Variants in HCRTR1 observed in about 807,000 individuals in gnomAD.
The protein encoded by HCRTR1 is orexin/Hypocretin receptor type 1.
Under a neutral mutation model 40.6 loss-of-function variants are expected in HCRTR1, and 28 were observed. The observed-to-expected ratio is 0.69, with a 90% CI of 0.51 to 0.95. The LOEUF (loss-of-function observed/expected upper bound fraction) is 0.95. Ranked by LOEUF, HCRTR1 falls within the 40% of genes least tolerant of loss-of-function variation. HCRTR1 has a pLI of 0.00. For missense variants in HCRTR1, 482 were observed against 564.7 expected (o/e 0.85, Z 1.48); for synonymous variants, 209 against 230.0 (o/e 0.91, Z 0.83).
Position 31,619,609 on chromosome 1 carries a change from G to T in HCRTR1, c.277G>T (p.Val93Phe). The T allele has an allele frequency of 6.2e-7, 1 of 1,614,062 alleles. No homozygotes were observed. Among genetic ancestry groups the T allele is most frequent in the East Asian group, 2.2e-5 (1 of 44,876 alleles). ...CATTGTCAACCTGTCCCTGGCTGAC[G>T]TTCTGGTGACTGCTATCTGCCTGCC... is the stretch of plus-strand genomic sequence containing the variant. Reference protein sequence around the residue: ...YFIVNLSLADVLVTAICLPAS... With the variant: ...YFIVNLSLADFLVTAICLPAS... The change falls in exon 4 of 9, where the codon GTT (valine) becomes TTT (phenylalanine). Residue 93 changes from valine to phenylalanine, a missense_variant. Val to Phe is a conservative substitution (Grantham distance 50). Transcript: ENST00000403528.
chr1:31,627,457 G>T lies in HCRTR1; in HGVS notation c.*477G>T. The T allele has an allele frequency of 1.1e-6, 1 of 924,406 alleles. No homozygotes were observed. Among genetic ancestry groups the T allele is most frequent in the Non-Finnish European group, 1.5e-6 (1 of 655,370 alleles). 57.3% of individuals were successfully genotyped at this position (924,406 alleles called of 1,614,324 possible). A position where few individuals can be genotyped will look rare whatever the true frequency, so the allele number is the denominator to read the frequency against. ...CTAATCTGGGCCCAGCCTTTCTCCA[G>T]CGGGCCACGAGCACAGCCCCACCCT... On this transcript the variant is annotated 3_prime_UTR_variant, in exon 9 of 9. Transcript: ENST00000403528.
chr1:31,630,746 T>C, downstream of HCRTR1: 1 of 1,614,104 alleles, frequency 6.2e-7, no homozygotes, highest in South Asian at 1.1e-5. Context: ...GATGAAGCGG[T>C]CAAGCTGCAT....
downstream of HCRTR1, chr1:31,632,374 C>A: frequency 6.6e-7 from 1 of 1,521,070 alleles, no homozygotes; most frequent in Non-Finnish European, 9.1e-7. Flanking sequence ...GCACTGAGAA[C>A]AGCATTTTGT....
chr1:31,625,018 A>C lies in HCRTR1; in HGVS notation c.987A>C (p.Gln329His). ...CTAGGGTGTTCGGGATGTTCCGCCA[A>C]GCCAGTGACCGCGAAGCTGTCTACG... ...VLKRVFGMFR[Q>H]ASDREAVYAC... Residue 329 changes from glutamine (Q) to histidine (H), a missense_variant, in exon 8 of 9, where the codon CAA becomes CAC. Transcript: ENST00000403528. The surrounding 1 kb of genome is among the most constrained non-coding windows in gnomAD (Gnocchi z 4.2). The C allele has an allele frequency of 2.5e-6, 4 of 1,608,260 alleles. No individual in the cohort carries two copies. The highest frequency in any genetic ancestry group is 3.4e-6 in the Non-Finnish European group (4 of 1,176,076).
chr1:31,624,075 T>C (rs1639921461), intron 7 of HCRTR1, among the ~76,000 whole-genome samples: 1 of 152,118 alleles, frequency 6.6e-6, no homozygotes, highest in South Asian at 2.1e-4. Flanking sequence ...CAGGCAGTGA[T>C]AACTGCTGGG....
downstream of HCRTR1, chr1:31,632,394 G>A (rs771540739): frequency 6.4e-6 from 10 of 1,573,952 alleles, no homozygotes; most frequent in South Asian, 7.8e-5. Context: ...TAGTGCAGGT[G>A]GACATTCGGT....
In HCRTR1 at chr1:31,619,601, T is replaced by A. The variant is rs188180909; in HGVS notation, c.269T>A (p.Leu90Gln). 1.2e-6 allele frequency: 2 copies of A among 1,614,096 alleles called. No homozygotes were observed. Among genetic ancestry groups the A allele is most frequent in the Admixed American group, 3.3e-5 (2 of 60,016 alleles). Reference protein sequence around the residue: ...VTNYFIVNLSLADVLVTAICL... With the variant: ...VTNYFIVNLSQADVLVTAICL... ...AACTACTTCATTGTCAACCTGTCCCTGGCTGACGTTCTGGTGACTGCTATC... is the reference window on the plus strand; with the variant it reads ...AACTACTTCATTGTCAACCTGTCCCAGGCTGACGTTCTGGTGACTGCTATC... Residue 90 changes from leucine (L) to glutamine (Q), a missense_variant, in exon 4 of 9, where the codon CTG becomes CAG. Leu to Gln is a moderately radical substitution (Grantham distance 113). Coordinates refer to ENST00000403528, the MANE Select transcript of HCRTR1 (RefSeq NM_001525.3).
downstream of HCRTR1, among the ~76,000 whole-genome samples, chr1:31,628,074 GAGA>G: frequency 6.6e-6 from 1 of 152,246 alleles, no homozygotes; most frequent in East Asian, 1.9e-4. Flanking sequence ...CTTGTTGCCA[GAGA>G]AGGACGTGGA....
chr1:31,633,265 C>T (rs749479514), downstream of HCRTR1: 5 of 1,613,926 alleles, frequency 3.1e-6, no homozygotes, highest in African/African-American at 2.7e-5. Flanking sequence ...CTGAGTCCAC[C>T]GACTGGAACC....
intron 6 of HCRTR1, 73 bp from the exon 7 acceptor site, chr1:31,623,450 T>C (rs760966536): frequency 1.1e-4 from 140 of 1,315,898 alleles, no homozygotes; most frequent in Non-Finnish European, 1.4e-4. Flanking sequence ...CAGCCTGGAG[T>C]AGGCCCCACA....
downstream of HCRTR1, among the ~76,000 whole-genome samples, chr1:31,631,586 G>C (rs1476663665): frequency 1.3e-5 from 2 of 152,124 alleles, no homozygotes; most frequent in African/African-American, 4.8e-5. Context: ...CCGGTAAAAG[G>C]GAGATTATAA....
At position 31,619,525 on chromosome 1, in the gene HCRTR1, C is replaced by A. The variant is rs1445342117; in HGVS notation, c.200-7C>A. 7 of 1,613,832 alleles carry A rather than the reference C, an allele frequency of 4.3e-6. No individual in the cohort carries two copies. The highest frequency in any genetic ancestry group is 5.9e-6 in the Non-Finnish European group (7 of 1,179,958). On this transcript the variant is annotated splice_region_variant and splice_polypyrimidine_tract_variant and intron_variant, in intron 3 of 8. Coordinates refer to ENST00000403528, the MANE Select transcript of HCRTR1 (RefSeq NM_001525.3). ...TGCCACCAGCTTCACCTCGCTGCAC[C>A]CTGCAGTCTGCCTGGCCGTGTGGCG... is the stretch of plus-strand genomic sequence containing the variant.
intron 6 of HCRTR1, among the ~76,000 whole-genome samples, chr1:31,622,224 G>A (rs561498433): frequency 6.6e-5 from 10 of 152,256 alleles, no homozygotes; most frequent in African/African-American, 2.4e-4. Context: ...AGGTTTTTGG[G>A]GGGCAGGGGT....
At position 31,623,575 on chromosome 1, in the gene HCRTR1, A is replaced by C. The variant is rs1275214049; in HGVS notation, c.791A>C (p.Gln264Pro). 2.5e-6 allele frequency: 4 copies of C among 1,613,408 alleles called. No homozygotes were observed. The highest frequency in any genetic ancestry group is 3.4e-6 in the Non-Finnish European group (4 of 1,179,990). ...CGGAACTGGAAGCGCCCCTCAGACC[A>C]GCTGGGGGACCTGGAGCAGGGCCTG... ...LVRNWKRPSD[Q>P]LGDLEQGLSG... Residue 264 changes from glutamine to proline, a missense_variant, in exon 7 of 9, where the codon CAG becomes CCG. By Grantham distance (76) the Gln-to-Pro change is moderately conservative. Transcript: ENST00000403528.
At chr1:31,633,348 A>G, downstream of HCRTR1, 1 of 1,582,300 alleles carries the variant, frequency 6.3e-7, no homozygotes, top group South Asian at 1.1e-5. Flanking sequence ...ATCAACAGAA[A>G]TGCCAGGAAG....
chr1:31,626,664 ATCCCTCCCTCCC>A lies in HCRTR1; in HGVS notation c.1088-121_1088-110del. The A allele has an allele frequency of 1.2e-6, 1 of 845,618 alleles. No individual in the cohort carries two copies. The highest frequency in any genetic ancestry group is 1.8e-6 in the Non-Finnish European group (1 of 553,402). The allele number at this position is 845,618 out of a possible 1,614,324, so 52.4% of individuals were successfully genotyped here. A position where few individuals can be genotyped will look rare whatever the true frequency, so the allele number is the denominator to read the frequency against. On this transcript the variant is annotated intron_variant, in intron 8 of 8. Coordinates refer to ENST00000403528, the MANE Select transcript of HCRTR1 (RefSeq NM_001525.3). This position sits in a 1 kb window ranked among gnomAD's most constrained non-coding sequence, Gnocchi z 4.6. Reference sequence around the variant, plus strand: ...CCTCAGGGCTCTCCCTCCCAGCTCTATCCCTCCCTCCCTCCCCGCCCCCTCATAGGCAGCTTG... The same window carrying A: ...CCTCAGGGCTCTCCCTCCCAGCTCTATCCCCGCCCCCTCATAGGCAGCTTG...
intron 6 of HCRTR1, 65 bp from the exon 7 acceptor site, chr1:31,623,458 A>T: frequency 6.9e-7 from 1 of 1,453,038 alleles, no homozygotes; most frequent in Non-Finnish European, 9.3e-7. Flanking sequence ...AGTAGGCCCC[A>T]CAAAAGGCAA....
chr1:31,629,630 T>A (rs1640039842), downstream of HCRTR1, among the ~76,000 whole-genome samples: 1 of 152,224 alleles, frequency 6.6e-6, no homozygotes, highest in African/African-American at 2.4e-5. Flanking sequence ...AAAACTGCTA[T>A]GAAATAGCTT....
downstream of HCRTR1, among the ~76,000 whole-genome samples, chr1:31,628,509 AG>A (rs376235754): frequency 4.6e-5 from 7 of 152,334 alleles, no homozygotes; most frequent in East Asian, 1.4e-3. Context: ...ATGAGGTATG[AG>A]GGCTGGCCCC....
Sources: gnomAD v4.1 joint callset for allele counts (sites outside exome capture counted in the v4.1 genomes callset) on GRCh38, gnomAD v4.1.1 for gene constraint, Gnocchi (gnomAD v3.1) non-coding constraint, MANE v1.5 for transcripts, NCBI Gene and HGNC (gene_info 2026-07-23, HGNC 2026-07-21) for gene names.